DYNC2H1: variants seen among roughly 807,000 people sequenced by gnomAD.
DYNC2H1 encodes cytoplasmic dynein 2 heavy chain 1.
Under a neutral mutation model 570.0 loss-of-function variants are expected in DYNC2H1, and 410 were observed. The ratio of observed to expected loss-of-function variants is 0.72; its 90% CI spans 0.66 to 0.78. The LOEUF (loss-of-function observed/expected upper bound fraction) is 0.78, where lower values mean the gene tolerates loss of function less well. Among genes scored for constraint, DYNC2H1 ranks in the 30% least tolerant of loss-of-function variants. DYNC2H1 has a pLI of 0.00. For missense variants in DYNC2H1, 4,865 were observed against 5,046.4 expected, an observed-to-expected ratio of 0.96 and a Z score of 1.09; for synonymous variants, 1,688 against 1,677.6, an observed-to-expected ratio of 1.01 and a Z score of -0.15.
chr11:103,177,817 C>A lies in DYNC2H1; in HGVS notation c.6136C>A (p.Gln2046Lys). The A allele has an allele frequency of 1.2e-6, 2 of 1,608,106 alleles. No homozygotes were observed. Among genetic ancestry groups the A allele is most frequent in the East Asian group, 2.2e-5 (1 of 44,706 alleles). ...TGCTCGTCAAGTGGTTCGGGAACCT[C>A]AAGGTTAGTCTCTATGTATACTTCT... ...NSARQVVREP[Q>K]DVSSWIICDG... The change falls in exon 38 of 89, where the codon CAA becomes AAA. Residue 2046 changes from glutamine to lysine, a missense_variant. Physicochemically the swap from Gln to Lys is moderately conservative, Grantham distance 53. Coordinates refer to ENST00000375735, the MANE Select transcript of DYNC2H1 (RefSeq NM_001377.3). This position sits in a 1 kb window ranked among gnomAD's most constrained non-coding sequence, Gnocchi z 4.4.
chr11:103,122,843 A>G lies in DYNC2H1; in HGVS notation c.1504A>G (p.Ile502Val). ...TTTTAAGGTAGATGATACTATCAAG[A>G]TTGCAGAGGCTCTTTTATCTGACTT... ...LELKVDDTIK[I>V]AEALLSDLPG... is the part of the protein sequence containing the mutation. Residue 502 changes from isoleucine to valine, a missense_variant, in exon 11 of 89, where the codon ATT (isoleucine) becomes GTT (valine). By Grantham distance (29) the Ile-to-Val change is conservative (BLOSUM62 3). This residue lies in a region of DYNC2H1 where 1,936 missense variants were observed against 1,962.1 expected (regional missense o/e 0.99). Coordinates refer to ENST00000375735, the MANE Select transcript of DYNC2H1 (RefSeq NM_001377.3). 1 of 1,613,114 alleles carries G rather than the reference A, an allele frequency of 6.2e-7. No individual in the cohort carries two copies. The highest frequency in any genetic ancestry group is 8.5e-7 in the Non-Finnish European group (1 of 1,179,478).
intron 10 of DYNC2H1, among the ~76,000 whole-genome samples, chr11:103,122,347 A>G (rs935146660): frequency 6.6e-6 from 1 of 152,210 alleles, no homozygotes; most frequent in African/African-American, 2.4e-5. Flanking sequence ...TCTGTCAGTC[A>G]GTTTTCCAGG....
At chr11:103,279,090 T>C (rs545979611) in intron 70 of DYNC2H1, among the ~76,000 whole-genome samples, 1 of 152,254 alleles carries the variant, frequency 6.6e-6, no homozygotes, top group Non-Finnish European at 1.5e-5. Context: ...TCAAATCTTA[T>C]TTTGCATAGG....
rs773964039 is a variant in DYNC2H1 at position 103,168,759 on chromosome 11, G to A, written c.4767G>A (p.Ser1589=). The part of the protein sequence containing the change: ...TSSEDPGNTE[S]GILELKLKAL... Reference sequence around the variant, plus strand: ...AATATTTTTATTTCTGCCTAGAATCGGGCATCCTGGAGCTTAAACTTAAAG... The same window carrying A: ...AATATTTTTATTTCTGCCTAGAATCAGGCATCCTGGAGCTTAAACTTAAAG... The change falls in exon 32 of 89, where the codon TCG becomes TCA. Residue 1589 remains serine, a synonymous_variant. Transcript: ENST00000375735. 9 of 1,611,388 alleles carry A rather than the reference G, an allele frequency of 5.6e-6. No homozygotes were observed. Among genetic ancestry groups the A allele is most frequent in the African/African-American group, 1.3e-5 (1 of 74,732 alleles).
At chr11:103,115,137 G>T in intron 3 of DYNC2H1, 40 bp from the exon 4 acceptor site, 1 of 1,439,586 alleles carries the variant, frequency 6.9e-7, no homozygotes, top group Admixed American at 2.0e-5. Flanking sequence ...TTTTTTCTCT[G>T]ATATTCTATG....
At chr11:103,328,172 G>A (rs570098333) in intron 82 of DYNC2H1, among the ~76,000 whole-genome samples, 6 of 152,234 alleles carry the variant, frequency 3.9e-5, no homozygotes, top group South Asian at 4.1e-4. Flanking sequence ...GGGATGAAAC[G>A]AAGATAAAAT....
rs761459438 is a variant in DYNC2H1, at chr11:103,166,886, C to CT, written c.4762+840dup. 1.3e-4 allele frequency among the ~76,000 whole-genome samples: 19 copies of CT among 150,626 alleles called. No individual in the cohort carries two copies. The South Asian group carries it at 2.9e-3, about 23-fold the overall frequency. The stretch of plus-strand genomic sequence containing the variant: ...TCTGGGAAGCTTTTGGCTCTTATTT[C>CT]TTCAAACATTCTTCCTGTATTATAC... On this transcript the variant is annotated intron_variant, in intron 31 of 88. Transcript: ENST00000375735.
intron 10 of DYNC2H1, 36 bp from the exon 11 acceptor site, chr11:103,122,789 T>G (rs747692396): frequency 1.3e-6 from 2 of 1,572,648 alleles, no homozygotes; most frequent in Non-Finnish European, 1.7e-6. Context: ...TTTTGGAATT[T>G]AAATAATGCA....
intron 66 of DYNC2H1, among the ~76,000 whole-genome samples, chr11:103,253,994 A>G (rs1864943911): frequency 6.6e-6 from 1 of 152,112 alleles, no homozygotes; most frequent in African/African-American, 2.4e-5. Flanking sequence ...CCCTTTAAAG[A>G]TATAATGCCA....
intron 19 of DYNC2H1, 150 bp downstream of exon 19, chr11:103,148,037 G>A (rs1042210888): frequency 5.0e-6 from 3 of 604,286 alleles, no homozygotes; most frequent in Non-Finnish European, 8.4e-6. Flanking sequence ...TCAATCATTA[G>A]GAGGTCTAAT....
chr11:103,259,833 C>T (rs1380063858), intron 69 of DYNC2H1, 55 bp from the exon 70 acceptor site: 52 of 1,191,608 alleles, frequency 4.4e-5, no homozygotes, highest in South Asian at 7.6e-5. Flanking sequence ...AATTTATAGG[C>T]GTACTTTTTA....
intron 82 of DYNC2H1, among the ~76,000 whole-genome samples, chr11:103,346,799 C>G (rs1273064044): frequency 6.6e-6 from 1 of 152,010 alleles, no homozygotes; most frequent in African/African-American, 2.4e-5. Flanking sequence ...TTGAATAATT[C>G]TAGATAATAA....
At position 103,451,610 on chromosome 11, in the gene DYNC2H1, C is replaced by T. The variant is rs550028192; in HGVS notation, c.12457-3576C>T. ...CTTCCCAAAGTGCTGGGATTACAGG[C>T]ATGAGCCACGGTGCCCAGCCAAGGC... On this transcript the variant is annotated intron_variant, in intron 85 of 88. Transcript: ENST00000375735. Among the ~76,000 whole-genome samples the T allele has an allele frequency of 3.3e-5, 5 of 152,278 alleles. No individual in the cohort carries two copies. The South Asian group carries it at 1.0e-3, about 32-fold the overall frequency.
intron 83 of DYNC2H1, among the ~76,000 whole-genome samples, chr11:103,368,755 T>C (rs764312288): frequency 3.3e-5 from 5 of 152,216 alleles, no homozygotes; most frequent in Non-Finnish European, 2.9e-5. Flanking sequence ...TATTTTTGTA[T>C]ATAATGAGAG....
chr11:103,231,860 C>A (rs12270531), intron 60 of DYNC2H1, among the ~76,000 whole-genome samples: 1 of 151,638 alleles, frequency 6.6e-6, no homozygotes, highest in Admixed American at 6.6e-5. Flanking sequence ...TTTTCTCTCT[C>A]TGTGTGTGTG....
rs923947835 is a variant in DYNC2H1, at chr11:103,298,700, A to G, written c.11096-4393A>G. ...ATAAGTTTTAAAAATTCAAATTACC[A>G]GAGAACAACAGGCACTTCCCTCTTT... On this transcript the variant is annotated intron_variant, in intron 75 of 88. Transcript: ENST00000375735. 4.6e-5 allele frequency among the ~76,000 whole-genome samples: 7 copies of G among 152,276 alleles called. No individual in the cohort carries two copies. The South Asian group carries it at 1.4e-3, about 32-fold the overall frequency.
At position 103,158,764 on chromosome 11, in the gene DYNC2H1, T is replaced by G. The variant is rs1386174652; in HGVS notation, c.4215T>G (p.Leu1405=). 1.3e-6 allele frequency: 2 copies of G among 1,507,804 alleles called. No individual in the cohort carries two copies. Among genetic ancestry groups the G allele is most frequent in the East Asian group, 4.9e-5 (2 of 40,504 alleles). 93.4% of individuals were successfully genotyped at this position (1,507,804 alleles called of 1,614,324 possible). A position where few individuals can be genotyped will look rare whatever the true frequency, so the allele number is the denominator to read the frequency against. Residue 1405 remains leucine, a synonymous_variant, in exon 27 of 89, where the codon CTT becomes CTG. Transcript: ENST00000375735. ...AGIRNSLLTI[L]DQLQRCQKSL... Reference sequence around the variant, plus strand: ...TAAGAAATTCTCTACTAACAATACTTGATCAGCTTCAAAGATGTCAGAAAT... The same window carrying G: ...TAAGAAATTCTCTACTAACAATACTGGATCAGCTTCAAAGATGTCAGAAAT...
intron 70 of DYNC2H1, among the ~76,000 whole-genome samples, chr11:103,267,788 A>G (rs1375068775): frequency 6.6e-6 from 1 of 151,906 alleles, no homozygotes. Context: ...TCCATTTCCT[A>G]TCTCTTTATA....
chr11:103,170,442 G>C lies in DYNC2H1; in HGVS notation c.5151+152G>C, dbSNP rs1011860681. ...AAATTGAAATGTAAAATGGACAGAG[G>C]TTGTACGTAGTATAGTCCAAAACTT... On this transcript the variant is annotated intron_variant, in intron 33 of 88. Transcript: ENST00000375735. The surrounding 1 kb of genome is among the most constrained non-coding windows in gnomAD (Gnocchi z 4.8). Among the ~76,000 whole-genome samples the C allele has an allele frequency of 2.6e-5, 4 of 152,154 alleles. No homozygotes were observed. Among genetic ancestry groups the C allele is most frequent in the Non-Finnish European group, 4.4e-5 (3 of 68,026 alleles).
Sources: gnomAD v4.1 joint callset for allele counts (sites outside exome capture counted in the v4.1 genomes callset) on GRCh38, gnomAD v4.1.1 for gene constraint, gnomAD v4.1.1 regional missense constraint, Gnocchi (gnomAD v3.1) non-coding constraint, MANE v1.5 for transcripts, NCBI Gene and HGNC (gene_info 2026-07-23, HGNC 2026-07-21) for gene names.